Variants in PRELID3B observed in about 807,000 individuals in gnomAD.
PRELID3B encodes PRELI domain containing 3B.
Under a neutral mutation model 24.0 loss-of-function variants are expected in PRELID3B, and 15 were observed. The ratio of observed to expected loss-of-function variants is 0.63; its 90% CI spans 0.42 to 0.96. PRELID3B has a LOEUF of 0.96. Ranked by LOEUF, PRELID3B falls within the 40% of genes least tolerant of loss-of-function variation. The pLI, the probability that PRELID3B is intolerant of heterozygous loss-of-function variation, is 0.00. For synonymous variants in PRELID3B, 62 were observed against 76.0 expected, an observed-to-expected ratio of 0.82 and a Z score of 0.96; for missense variants, 189 against 236.0, an observed-to-expected ratio of 0.80 and a Z score of 1.30.
chr20:59,039,955 G>A (rs1300158548), intron 1 of PRELID3B, among the ~76,000 whole-genome samples: 2 of 152,076 alleles, frequency 1.3e-5, no homozygotes, highest in Non-Finnish European at 2.9e-5. Flanking sequence ...CCGACAAATC[G>A]AAGCATACAG....
chr20:59,042,685 C>T lies in PRELID3B; in HGVS notation c.32+14G>A, dbSNP rs1271860837. 5.0e-6 allele frequency: 8 copies of T among 1,588,430 alleles called. No individual in the cohort carries two copies. Among genetic ancestry groups the T allele is most frequent in the Non-Finnish European group, 6.8e-6 (8 of 1,168,102 alleles). On this transcript the variant is annotated intron_variant, in intron 1 of 5. Transcript: ENST00000355937. ...GCCTGCCCTCCACGGAGCCGACCCGCGCCCCAAACTTACTCAAAGACGTGC... is the reference window on the plus strand; with the variant it reads ...GCCTGCCCTCCACGGAGCCGACCCGTGCCCCAAACTTACTCAAAGACGTGC...
Position 59,041,879 on chromosome 20 carries a change from G to GA in PRELID3B, c.32+819dup, listed in dbSNP as rs577059020. ...CAGCGGAACAGAGCAGGTAACTCGG[G>GA]AAAAAAAAGGATTTCGCTGCTTAAA... On this transcript the variant is annotated intron_variant, in intron 1 of 5. Coordinates refer to ENST00000355937, the MANE Select transcript of PRELID3B (RefSeq NM_016045.3). 2.2e-4 allele frequency among the ~76,000 whole-genome samples: 33 copies of GA among 152,056 alleles called. No homozygotes were observed. The South Asian group carries it at 5.6e-3, about 26-fold the overall frequency.
rs774198392 is a variant in PRELID3B, at chr20:59,035,099, G to C, written c.493C>G (p.His165Asp). The C allele has an allele frequency of 6.2e-7, 1 of 1,612,962 alleles. No homozygotes were observed. The highest frequency in any genetic ancestry group is 1.1e-5 in the South Asian group (1 of 90,894). ...TCTTCAATCTCAGCATTTAATTTAT[G>C]TATTACCCATTCCATTGCTTCTCGG... The part of the protein sequence containing the change: ...KGREAMEWVI[H>D]KLNAEIEELT... The change falls in exon 6 of 6, where the codon CAT becomes GAT. Residue 165 changes from histidine (H) to aspartate (D), a missense_variant. Transcript: ENST00000355937.
intron 1 of PRELID3B, among the ~76,000 whole-genome samples, chr20:59,041,009 C>A (rs555844297): frequency 6.6e-6 from 1 of 152,206 alleles, no homozygotes; most frequent in East Asian, 1.9e-4. Flanking sequence ...AACATTTACA[C>A]TGAATGGGAA....
intron 4 of PRELID3B, 32 bp from the exon 5 acceptor site, chr20:59,036,605 T>C (rs769449170): frequency 6.3e-7 from 1 of 1,594,384 alleles, no homozygotes; most frequent in African/African-American, 1.4e-5. Context: ...CAGGTTCAGA[T>C]GACCCAGCTT....
rs186255549 is a variant in PRELID3B at position 59,034,229 on chromosome 20, G to T, written c.*778C>A. The T allele has an allele frequency of 6.6e-6, 1 of 152,330 alleles. No homozygotes were observed. Among genetic ancestry groups the T allele is most frequent in the East Asian group, 1.9e-4 (1 of 5,190 alleles). The allele number at this position is 152,330 out of a possible 1,614,324, so 9.4% of individuals were successfully genotyped here. A position where few individuals can be genotyped will look rare whatever the true frequency, so the allele number is the denominator to read the frequency against. ...GTTAGGCAAATGTAAAATGCTAAAA[G>T]ATGTGAACAGCTGTTCTTCTGTTTA... On this transcript the variant is annotated 3_prime_UTR_variant, in exon 6 of 6. Transcript: ENST00000355937.
At position 59,036,574 on chromosome 20, in the gene PRELID3B, C is replaced by A; in HGVS notation, c.363-1G>T. 1 of 1,610,578 alleles carries A rather than the reference C, an allele frequency of 6.2e-7. No individual in the cohort carries two copies. Among genetic ancestry groups the A allele is most frequent in the Non-Finnish European group, 8.5e-7 (1 of 1,179,406 alleles). On this transcript the variant is annotated splice_acceptor_variant, in intron 4 of 5. Coordinates refer to ENST00000355937, the MANE Select transcript of PRELID3B (RefSeq NM_016045.3). LOFTEE classifies it high-confidence loss of function. ...TATGGCTTCTTGTGTCAAAACAGTT[C>A]TGGAACAAAACATATTCACACAGGT...
intron 5 of PRELID3B, among the ~76,000 whole-genome samples, chr20:59,036,243 G>A (rs944986775): frequency 6.6e-6 from 1 of 152,076 alleles, no homozygotes; most frequent in Non-Finnish European, 1.5e-5. Flanking sequence ...CTTTAAAAAC[G>A]GGAAACTGAG....
At chr20:59,035,568 C>T (rs992561802) in intron 5 of PRELID3B, among the ~76,000 whole-genome samples, 1 of 152,190 alleles carries the variant, frequency 6.6e-6, no homozygotes, top group Non-Finnish European at 1.5e-5. Context: ...TTCCCTACTT[C>T]CTGTCTCAGG....
At chr20:59,036,614 T>C in intron 4 of PRELID3B, 41 bp from the exon 5 acceptor site, 5 of 1,592,632 alleles carry the variant, frequency 3.1e-6, no homozygotes, top group Non-Finnish European at 4.3e-6. Context: ...ATGACCCAGC[T>C]TTCATTTTCA....
intron 5 of PRELID3B, among the ~76,000 whole-genome samples, chr20:59,035,884 T>A (rs1307969262): frequency 2.0e-5 from 3 of 152,200 alleles, no homozygotes. Flanking sequence ...ATTCACCATG[T>A]GTTATGTAAC....
In PRELID3B at chr20:59,038,483, G is replaced by A; in HGVS notation, c.184C>T (p.Pro62Ser). ...HRLLSTEWGLPSIVKSLIGAA... is the reference protein window; with the variant it reads ...HRLLSTEWGLSSIVKSLIGAA... Reference sequence around the variant, plus strand: ...ACACTTACAGACTTCACAATGGAAGGCAGTCCCCACTCTGTGCTGAGAAGT... The same window carrying A: ...ACACTTACAGACTTCACAATGGAAGACAGTCCCCACTCTGTGCTGAGAAGT... Residue 62 changes from proline (P) to serine (S), a missense_variant, in exon 2 of 6, where the codon CCT becomes TCT. Physicochemically the swap from Pro to Ser is moderately conservative, Grantham distance 74. Coordinates refer to ENST00000355937, the MANE Select transcript of PRELID3B (RefSeq NM_016045.3). The A allele has an allele frequency of 6.2e-7, 1 of 1,613,236 alleles. No individual in the cohort carries two copies. The highest frequency in any genetic ancestry group is 8.5e-7 in the Non-Finnish European group (1 of 1,179,568).
chr20:59,038,326 C>G (rs1486361103), intron 2 of PRELID3B, 140 bp downstream of exon 2: 7 of 626,818 alleles, frequency 1.1e-5, no homozygotes, highest in African/African-American at 1.9e-5. Context: ...ACTCATAATT[C>G]AAGTTTATTA....
In PRELID3B at chr20:59,035,136, A is replaced by C; in HGVS notation, c.466-10T>G. 4 of 1,604,834 alleles carry C rather than the reference A, an allele frequency of 2.5e-6. No individual in the cohort carries two copies. Among genetic ancestry groups the C allele is most frequent in the Non-Finnish European group, 2.6e-6 (3 of 1,175,698 alleles). ...CCATTGCTTCTCGGCCCTTAAAAAA[A>C]ATCCAATACATTTATTGTTACTGAG... On this transcript the variant is annotated splice_polypyrimidine_tract_variant and intron_variant, in intron 5 of 5. Coordinates refer to ENST00000355937, the MANE Select transcript of PRELID3B (RefSeq NM_016045.3).
rs550392933 is a variant in PRELID3B, at chr20:59,037,071, C to T, written c.291+120G>A. On this transcript the variant is annotated intron_variant, in intron 3 of 5. Transcript: ENST00000355937. The stretch of plus-strand genomic sequence containing the variant: ...CATCCAGGGCCAAGTTAGGCCAGCA[C>T]ATAAGCAGGGATTCTCTGAACCACA... 11 of 766,310 alleles carry T rather than the reference C, an allele frequency of 1.4e-5. No individual in the cohort carries two copies. In the Admixed American group the frequency reaches 2.3e-4, roughly 16 times the overall value. 47.5% of individuals were successfully genotyped at this position (766,310 alleles called of 1,614,324 possible).
In PRELID3B at chr20:59,037,250, C is replaced by G. The variant is rs1444773984; in HGVS notation, c.232G>C (p.Val78Leu). 2 of 1,613,820 alleles carry G rather than the reference C, an allele frequency of 1.2e-6. No individual in the cohort carries two copies. The highest frequency in any genetic ancestry group is 8.5e-7 in the Non-Finnish European group (1 of 1,179,870). ...LIGAARTKTYVQEHSVVDPVE... is the reference protein window; with the variant it reads ...LIGAARTKTYLQEHSVVDPVE... Reference sequence around the variant, plus strand: ...GGATCAACTACAGAATGTTCTTGCACATATGTTTTCGTTCTTGCTGCACCA... The same window carrying G: ...GGATCAACTACAGAATGTTCTTGCAGATATGTTTTCGTTCTTGCTGCACCA... The change falls in exon 3 of 6, where the codon GTG (valine) becomes CTG (leucine). Residue 78 changes from valine (V) to leucine (L), a missense_variant. Physicochemically the swap from Val to Leu is conservative, Grantham distance 32 (BLOSUM62 1). Transcript: ENST00000355937.
chr20:59,036,721 T>A lies in PRELID3B; in HGVS notation c.331A>T (p.Ile111Leu). 2 of 1,598,908 alleles carry A rather than the reference T, an allele frequency of 1.3e-6. No homozygotes were observed. Among genetic ancestry groups the A allele is most frequent in the Non-Finnish European group, 1.7e-6 (2 of 1,168,702 alleles). ...GGATCCTGAGGATGTGGTTTGTATA[T>A]AAGTCTCTCATCTACTGAAACCATG... is the stretch of plus-strand genomic sequence containing the variant. ...TNMVSVDERLIYKPHPQDPEK... is the reference protein window; with the variant it reads ...TNMVSVDERLLYKPHPQDPEK... Residue 111 changes from isoleucine (I) to leucine (L), a missense_variant, in exon 4 of 6, where the codon ATA (isoleucine) becomes TTA (leucine). Ile to Leu is a conservative substitution (Grantham distance 5). Coordinates refer to ENST00000355937, the MANE Select transcript of PRELID3B (RefSeq NM_016045.3).
At chr20:59,039,916 G>A (rs554448036) in intron 1 of PRELID3B, among the ~76,000 whole-genome samples, 1 of 152,248 alleles carries the variant, frequency 6.6e-6, no homozygotes, top group South Asian at 2.1e-4. Flanking sequence ...AGGTATATAA[G>A]CAGAGTTGCT....
rs754238775 is a variant in PRELID3B, at chr20:59,042,745, G to C, written c.-15C>G. ...CAGATCTTCATGGTGCCGGCACCCT[G>C]AGAGATGTCCGGGTAGCGCCAGGGG... On this transcript the variant is annotated 5_prime_UTR_variant, in exon 1 of 6. Coordinates refer to ENST00000355937, the MANE Select transcript of PRELID3B (RefSeq NM_016045.3). 1.9e-6 allele frequency: 3 copies of C among 1,600,300 alleles called. No homozygotes were observed. Among genetic ancestry groups the C allele is most frequent in the Non-Finnish European group, 2.6e-6 (3 of 1,174,150 alleles).
Sources: gnomAD v4.1 joint callset for allele counts (sites outside exome capture counted in the v4.1 genomes callset) on GRCh38, gnomAD v4.1.1 for gene constraint, MANE v1.5 for transcripts, NCBI Gene and HGNC (gene_info 2026-07-23, HGNC 2026-07-21) for gene names.